The following SDK1 variants were observed in gnomAD, a reference collection of about 807,000 sequenced individuals.
The protein encoded by SDK1 is sidekick cell adhesion molecule 1.
A neutral mutation model predicts 245.5 loss-of-function variants in SDK1; 157 were observed. The observed-to-expected ratio is 0.64, with a 90% CI of 0.56 to 0.73. The LOEUF (loss-of-function observed/expected upper bound fraction) is 0.73, where lower values mean the gene tolerates loss of function less well. SDK1 is among the 30% of genes least tolerant of loss of function. The pLI, the probability that SDK1 is intolerant of heterozygous loss-of-function variation, is 0.00. For synonymous variants in SDK1, 1,647 were observed against 1,278.5 expected (o/e 1.29, Z -6.15); for missense variants, 3,583 against 3,002.3 (o/e 1.19, Z -4.52).
At chr7:3,362,295 C>A (rs1243851541) in intron 1 of SDK1, among the ~76,000 whole-genome samples, 1 of 152,174 alleles carries the variant, frequency 6.6e-6, no homozygotes, top group Non-Finnish European at 1.5e-5. Context: ...ATGCAGACTT[C>A]TTTCACCTTT....
intron 5 of SDK1, among the ~76,000 whole-genome samples, chr7:3,898,164 C>A (rs774080991): frequency 2.0e-5 from 3 of 152,150 alleles, no homozygotes; most frequent in Admixed American, 6.5e-5. Context: ...AACAGAAGTG[C>A]AGATACGGTG....
intron 5 of SDK1, among the ~76,000 whole-genome samples, chr7:3,861,870 G>C (rs1780700525): frequency 6.6e-6 from 1 of 152,178 alleles, no homozygotes; most frequent in Non-Finnish European, 1.5e-5. Flanking sequence ...AAAAGAGTTT[G>C]TGTTTATCTG....
intron 1 of SDK1, among the ~76,000 whole-genome samples, chr7:3,472,680 C>T (rs564356130): frequency 6.2e-4 from 94 of 152,282 alleles, no homozygotes; most frequent in Non-Finnish European, 1.0e-3. Flanking sequence ...CTTTATGGAA[C>T]ACCATGAAAC....
At chr7:3,980,847 C>T (rs1279541297) in intron 13 of SDK1, among the ~76,000 whole-genome samples, 2 of 151,578 alleles carry the variant, frequency 1.3e-5, no homozygotes, top group Admixed American at 6.6e-5. Flanking sequence ...GAGGCTGAGA[C>T]AGAGAATTGC....
At chr7:4,245,353 C>T (rs1786780152) in intron 43 of SDK1, among the ~76,000 whole-genome samples, 1 of 152,196 alleles carries the variant, frequency 6.6e-6, no homozygotes, top group Non-Finnish European at 1.5e-5. Context: ...AGCACCTAAG[C>T]TCCCCGGCCT....
At chr7:4,070,607 A>G (rs573631572) in intron 20 of SDK1, among the ~76,000 whole-genome samples, 1 of 152,196 alleles carries the variant, frequency 6.6e-6, no homozygotes, top group African/African-American at 2.4e-5. Context: ...ACTACTCATC[A>G]GTAGAATCTC....
intron 35 of SDK1, among the ~76,000 whole-genome samples, chr7:4,201,060 G>A (rs573148110): frequency 2.7e-4 from 41 of 152,320 alleles, no homozygotes; most frequent in African/African-American, 9.9e-4. Context: ...GGTGCACTGG[G>A]CACCATGTCC....
At chr7:3,468,607 C>T (rs992521274) in intron 1 of SDK1, among the ~76,000 whole-genome samples, 3 of 151,624 alleles carry the variant, frequency 2.0e-5, no homozygotes, top group Non-Finnish European at 4.4e-5. Context: ...CACCCTCATT[C>T]CAGAGAGTGT....
chr7:4,254,203 TTTTG>T, intron 44 of SDK1, among the ~76,000 whole-genome samples: 1 of 152,036 alleles, frequency 6.6e-6, no homozygotes, highest in East Asian at 1.9e-4. Flanking sequence ...TTGTTTTTGT[TTTTG>T]TTTTTTTGCT....
chr7:3,573,624 A>C (rs533083693), intron 1 of SDK1, among the ~76,000 whole-genome samples: 8 of 152,150 alleles, frequency 5.3e-5, no homozygotes, highest in Admixed American at 1.3e-4. Context: ...GCCTTTGAAT[A>C]TGAAAAAACA....
chr7:3,437,227 G>T (rs1373938546), intron 1 of SDK1, among the ~76,000 whole-genome samples: 1 of 152,060 alleles, frequency 6.6e-6, no homozygotes, highest in Non-Finnish European at 1.5e-5. Flanking sequence ...AACCTGAGTG[G>T]TAAGTAATAA....
At chr7:3,550,323 T>A (rs1308708819) in intron 1 of SDK1, among the ~76,000 whole-genome samples, 3 of 152,290 alleles carry the variant, frequency 2.0e-5, no homozygotes, top group African/African-American at 7.2e-5. Context: ...GTCATTTGCG[T>A]TTTCTTCCCT....
chr7:4,076,825 A>G (rs563218817), intron 20 of SDK1, among the ~76,000 whole-genome samples, 173 bp from the exon 21 acceptor site: 2 of 152,198 alleles, frequency 1.3e-5, no homozygotes, highest in Non-Finnish European at 2.9e-5. Flanking sequence ...GGGCACACAG[A>G]GGAAGGAGCC....
intron 36 of SDK1, 94 bp downstream of exon 36, chr7:4,206,088 C>A: frequency 1.2e-6 from 1 of 803,812 alleles, no homozygotes; most frequent in Non-Finnish European, 2.0e-6. Context: ...GCAGACCCCG[C>A]AGGCGCTCCA....
chr7:3,984,358 T>C (rs1322141206), intron 13 of SDK1, among the ~76,000 whole-genome samples: 1 of 152,198 alleles, frequency 6.6e-6, no homozygotes, highest in Non-Finnish European at 1.5e-5. Context: ...ATGGGTTGTT[T>C]CTGTGTGCAC....
intron 1 of SDK1, among the ~76,000 whole-genome samples, chr7:3,550,883 G>T (rs1458500856): frequency 4.6e-5 from 7 of 152,080 alleles, no homozygotes. Flanking sequence ...TAGCAATACT[G>T]CTGTGGAGCC....
rs1786480957 is a variant in SDK1 at position 4,017,220 on chromosome 7, A to AGCCCGGAGGTGAACTACT, written c.2474_2491dup (p.Pro825_Cys830dup). The AGCCCGGAGGTGAACTACT allele has an allele frequency of 6.2e-7, 1 of 1,613,918 alleles. No individual in the cohort carries two copies. The highest frequency in any genetic ancestry group is 2.2e-5 in the East Asian group (1 of 44,870). On this transcript the variant is annotated inframe_insertion, in exon 17 of 45. Transcript: ENST00000404826. ...AGAGTACCAGCAGCGGAACATCACC[A>AGCCCGGAGGTGAACTACT]GCCCGGAGGTGAACTACTGCCTGGT...
intron 4 of SDK1, among the ~76,000 whole-genome samples, chr7:3,757,174 C>T (rs1779956343): frequency 6.6e-6 from 1 of 152,118 alleles, no homozygotes; most frequent in African/African-American, 2.4e-5. Context: ...TCCCAGGTGT[C>T]CTCATATACA....
chr7:3,730,081 C>A (rs967016007), intron 4 of SDK1, among the ~76,000 whole-genome samples: 1 of 151,934 alleles, frequency 6.6e-6, no homozygotes, highest in Admixed American at 6.6e-5. Flanking sequence ...TTTGATGGCC[C>A]CTAGCAGGAA....
Sources: gnomAD v4.1 joint callset for allele counts (sites outside exome capture counted in the v4.1 genomes callset) on GRCh38, gnomAD v4.1.1 for gene constraint, MANE v1.5 for transcripts, NCBI Gene and HGNC (gene_info 2026-07-23, HGNC 2026-07-21) for gene names.